Variants in RAB2A observed in about 807,000 individuals in gnomAD.
The protein encoded by RAB2A is ras-related protein Rab-2A.
In RAB2A, 7 loss-of-function variants were observed where a neutral mutation model predicts 32.5. That is an observed-to-expected ratio of 0.22 (90% CI 0.12 to 0.40). The LOEUF (loss-of-function observed/expected upper bound fraction) is 0.40, where lower values mean the gene tolerates loss of function less well. Among genes scored for constraint, RAB2A ranks in the 10% least tolerant of loss-of-function variants. RAB2A has a pLI of 1.00. For synonymous variants in RAB2A, 79 were observed against 85.2 expected (o/e 0.93, Z 0.40); for missense variants, 108 against 260.7 (o/e 0.41, Z 4.03).
chr8:60,563,801 C>T (rs1267971215), intron 2 of RAB2A, among the ~76,000 whole-genome samples: 1 of 152,126 alleles, frequency 6.6e-6, no homozygotes, highest in Non-Finnish European at 1.5e-5. Flanking sequence ...TATCTTTTCA[C>T]TCTCATCTCT....
chr8:60,596,426 C>T (rs1804025106), intron 6 of RAB2A, among the ~76,000 whole-genome samples: 1 of 152,124 alleles, frequency 6.6e-6, no homozygotes, highest in Non-Finnish European at 1.5e-5. Flanking sequence ...TATCCAGAAT[C>T]TACAAAGAAC....
At position 60,584,191 on chromosome 8, in the gene RAB2A, CT is replaced by C. The variant is rs758221851; in HGVS notation, c.187-9del. On this transcript the variant is annotated splice_polypyrimidine_tract_variant and intron_variant, in intron 3 of 7. Coordinates refer to ENST00000262646, the MANE Select transcript of RAB2A (RefSeq NM_002865.3). ...ATTGTATTAAAGGAAACTCTCCAACCTTTTTTTTCGTTACAGGCAGGGCAAG... is the reference window on the plus strand; with the variant it reads ...ATTGTATTAAAGGAAACTCTCCAACCTTTTTTTCGTTACAGGCAGGGCAAG... The C allele has an allele frequency of 2.7e-5, 43 of 1,563,736 alleles. No individual in the cohort carries two copies. Among genetic ancestry groups the C allele is most frequent in the Non-Finnish European group, 3.6e-5 (41 of 1,135,142 alleles).
chr8:60,616,622 C>G (rs903250554), intron 6 of RAB2A, among the ~76,000 whole-genome samples: 1 of 152,256 alleles, frequency 6.6e-6, no homozygotes, highest in Non-Finnish European at 1.5e-5. Context: ...TTAGCTCTAG[C>G]ACATACATGA....
At chr8:60,564,169 C>G (rs1808068864) in intron 2 of RAB2A, among the ~76,000 whole-genome samples, 1 of 152,144 alleles carries the variant, frequency 6.6e-6, no homozygotes, top group Non-Finnish European at 1.5e-5. Context: ...TATCTTTACT[C>G]TCAGCTGATA....
At chr8:60,588,020 C>G (rs796826842) in intron 5 of RAB2A, among the ~76,000 whole-genome samples, 7 of 152,264 alleles carry the variant, frequency 4.6e-5, no homozygotes, top group African/African-American at 1.7e-4. Context: ...TTGGTAGTTT[C>G]TTTAGAAATT....
chr8:60,557,936 A>G (rs959620528), intron 1 of RAB2A, among the ~76,000 whole-genome samples: 12 of 152,180 alleles, frequency 7.9e-5, no homozygotes, highest in African/African-American at 2.9e-4. Flanking sequence ...TTATTCATAT[A>G]CAGTATATTA....
chr8:60,572,018 G>C, intron 2 of RAB2A, 28 bp from the exon 3 acceptor site: 1 of 1,537,204 alleles, frequency 6.5e-7, no homozygotes, highest in Non-Finnish European at 9.0e-7. Context: ...CACTAATTTT[G>C]TAACAAATCA....
chr8:60,573,676 A>G (rs945564313), intron 3 of RAB2A, among the ~76,000 whole-genome samples: 2 of 152,244 alleles, frequency 1.3e-5, no homozygotes, highest in Admixed American at 1.3e-4. Context: ...TCAAAACTGC[A>G]TGGAAAAGAG....
chr8:60,582,577 A>G (rs1166809672), intron 3 of RAB2A, among the ~76,000 whole-genome samples: 1 of 152,102 alleles, frequency 6.6e-6, no homozygotes, highest in African/African-American at 2.4e-5. Flanking sequence ...ACTGAAGTAC[A>G]GTGGTGCAAT....
At chr8:60,573,661 G>A (rs1005818056) in intron 3 of RAB2A, among the ~76,000 whole-genome samples, 1 of 152,174 alleles carries the variant, frequency 6.6e-6, no homozygotes, top group Non-Finnish European at 1.5e-5. Flanking sequence ...CTCTCAGGCA[G>A]CATCTCAAAA....
intron 1 of RAB2A, among the ~76,000 whole-genome samples, chr8:60,518,498 G>A (rs1016993368): frequency 2.1e-5 from 3 of 140,210 alleles, no homozygotes; most frequent in Non-Finnish European, 1.5e-5. Context: ...TCTACTAAAA[G>A]TACAAAAGTT....
intron 6 of RAB2A, among the ~76,000 whole-genome samples, chr8:60,615,504 A>G (rs1284236179): frequency 6.6e-6 from 1 of 152,186 alleles, no homozygotes; most frequent in Non-Finnish European, 1.5e-5. Context: ...AAGTTTATAT[A>G]TGGGATTGAT....
At chr8:60,534,284 A>G (rs1234509004) in intron 1 of RAB2A, among the ~76,000 whole-genome samples, 1 of 152,132 alleles carries the variant, frequency 6.6e-6, no homozygotes, top group East Asian at 1.9e-4. Flanking sequence ...GGTAGCTGCT[A>G]ACCCCGTTTT....
At chr8:60,526,995 T>C (rs541100139) in intron 1 of RAB2A, among the ~76,000 whole-genome samples, 50 of 150,180 alleles carry the variant, frequency 3.3e-4, no homozygotes, top group African/African-American at 1.1e-3. Context: ...AAAGAAGTAC[T>C]TGGGACTGGG....
At chr8:60,604,760 T>C (rs1804197325) in intron 6 of RAB2A, among the ~76,000 whole-genome samples, 1 of 152,200 alleles carries the variant, frequency 6.6e-6, no homozygotes, top group Non-Finnish European at 1.5e-5. Context: ...TGGTTGCCTC[T>C]AATAGCCTAT....
chr8:60,577,832 C>A (rs113300284), intron 3 of RAB2A, among the ~76,000 whole-genome samples: 146 of 124,702 alleles, frequency 1.2e-3, no homozygotes, highest in African/African-American at 4.4e-3. Flanking sequence ...TTAGTGGAGA[C>A]GAGGTTTCAC....
intron 2 of RAB2A, among the ~76,000 whole-genome samples, chr8:60,563,632 C>T (rs1034959543): frequency 6.6e-6 from 1 of 152,166 alleles, no homozygotes; most frequent in African/African-American, 2.4e-5. Context: ...CCCATAGTTT[C>T]TCTCAGAACT....
intron 6 of RAB2A, among the ~76,000 whole-genome samples, chr8:60,607,956 G>A (rs558774688): frequency 6.6e-6 from 1 of 152,214 alleles, no homozygotes; most frequent in Non-Finnish European, 1.5e-5. Flanking sequence ...TCTCCTGGAT[G>A]TTTTTCCTTC....
At chr8:60,613,556 C>G (rs1206445018) in intron 6 of RAB2A, among the ~76,000 whole-genome samples, 2 of 152,206 alleles carry the variant, frequency 1.3e-5, no homozygotes, top group African/African-American at 2.4e-5. Context: ...AGGCTAAGCA[C>G]TGGTTCCAGA....
Sources: gnomAD v4.1 joint callset for allele counts (sites outside exome capture counted in the v4.1 genomes callset) on GRCh38, gnomAD v4.1.1 for gene constraint, MANE v1.5 for transcripts, NCBI Gene and HGNC (gene_info 2026-07-23, HGNC 2026-07-21) for gene names.